NR3C1: variants seen among roughly 807,000 people sequenced by gnomAD.
NR3C1 encodes the protein nuclear receptor subfamily 3 group C member 1, also known as glucocorticoid receptor.
NR3C1 carries 14 observed loss-of-function variants against 74.0 expected under a neutral mutation model. The ratio of observed to expected loss-of-function variants is 0.19; its 90% CI spans 0.12 to 0.30. NR3C1 has a LOEUF of 0.30. NR3C1 is among the 10% of genes least tolerant of loss of function. The pLI is 1.00. For synonymous variants in NR3C1, 308 were observed against 332.5 expected, an observed-to-expected ratio of 0.93 and a Z score of 0.80; for missense variants, 695 against 909.8, an observed-to-expected ratio of 0.76 and a Z score of 3.04.
chr5:143,318,552 G>C (rs1476859277), intron 2 of NR3C1, among the ~76,000 whole-genome samples: 2 of 152,154 alleles, frequency 1.3e-5, no homozygotes, highest in Non-Finnish European at 2.9e-5. Flanking sequence ...CACAGTGGCA[G>C]ATACAAGTCT....
chr5:143,368,576 T>C (rs551296155), intron 2 of NR3C1, among the ~76,000 whole-genome samples: 12 of 144,640 alleles, frequency 8.3e-5, no homozygotes, highest in Non-Finnish European at 1.7e-4. Flanking sequence ...CACCGACAAC[T>C]CAACAATAAA....
intron 2 of NR3C1, among the ~76,000 whole-genome samples, chr5:143,392,706 G>A (rs1838480612): frequency 6.6e-6 from 1 of 151,986 alleles, no homozygotes; most frequent in African/African-American, 2.4e-5. Context: ...TTAGCATAGT[G>A]CTGTCACATA....
rs61753501 is a variant in NR3C1, at chr5:143,281,581, G to T, written c.*308C>A. 2 of 314,360 alleles carry T rather than the reference G, an allele frequency of 6.4e-6. No homozygotes were observed. The highest frequency in any genetic ancestry group is 4.8e-5 in the Admixed American group (1 of 20,898). 19.5% of individuals were successfully genotyped at this position (314,360 alleles called of 1,614,324 possible). On this transcript the variant is annotated 3_prime_UTR_variant, in exon 9 of 9. Coordinates refer to ENST00000394464, the MANE Select transcript of NR3C1 (RefSeq NM_000176.3). The stretch of plus-strand genomic sequence containing the variant: ...ATCACACAGACTTTGGGCACTGGTG[G>T]TTTAGGTGCCATCCTTCTTTGACTG...
At chr5:143,386,478 T>C (rs1837249399) in intron 2 of NR3C1, among the ~76,000 whole-genome samples, 1 of 152,020 alleles carries the variant, frequency 6.6e-6, no homozygotes, top group Non-Finnish European at 1.5e-5. Flanking sequence ...ACTTGTTAGG[T>C]GAGAAAAGCA....
At chr5:143,384,450 A>T (rs1482704180) in intron 2 of NR3C1, among the ~76,000 whole-genome samples, 1 of 152,234 alleles carries the variant, frequency 6.6e-6, no homozygotes, top group Non-Finnish European at 1.5e-5. Flanking sequence ...GGTCAAGGCA[A>T]GTCCACTCTG....
chr5:143,316,546 C>T (rs901936929), intron 2 of NR3C1, among the ~76,000 whole-genome samples: 3 of 152,078 alleles, frequency 2.0e-5, no homozygotes, highest in African/African-American at 7.2e-5. Context: ...TCATACGGGC[C>T]GTGGCAGGTG....
chr5:143,290,564 C>T (rs1170642117), intron 7 of NR3C1, among the ~76,000 whole-genome samples: 5 of 151,984 alleles, frequency 3.3e-5, no homozygotes, highest in Non-Finnish European at 7.4e-5. Context: ...GCATTCAGTC[C>T]ATCTCTACAT....
intron 2 of NR3C1, among the ~76,000 whole-genome samples, chr5:143,384,880 G>A (rs931403187): frequency 6.6e-6 from 1 of 152,202 alleles, no homozygotes; most frequent in African/African-American, 2.4e-5. Context: ...GCCCCAGTGG[G>A]GTCTCTGTGT....
At chr5:143,314,318 T>G in intron 2 of NR3C1, 150 bp from the exon 3 acceptor site, 1 of 768,388 alleles carries the variant, frequency 1.3e-6, no homozygotes, top group Non-Finnish European at 2.2e-6. Flanking sequence ...GCTAAATATA[T>G]TCAAATCATG....
At chr5:143,286,438 G>C (rs1814500481) in intron 7 of NR3C1, among the ~76,000 whole-genome samples, 1 of 152,004 alleles carries the variant, frequency 6.6e-6, no homozygotes, top group Non-Finnish European at 1.5e-5. Context: ...GGAATGAAAG[G>C]CTAGTCAATT....
At chr5:143,333,835 GA>G (rs1220339281) in intron 2 of NR3C1, among the ~76,000 whole-genome samples, 2 of 152,152 alleles carry the variant, frequency 1.3e-5, no homozygotes, top group Non-Finnish European at 2.9e-5. Flanking sequence ...TGGAAATGGG[GA>G]AAGAATAATA....
chr5:143,370,881 C>T lies in NR3C1; in HGVS notation c.1184+28775G>A, dbSNP rs145843317. Reference sequence around the variant, plus strand: ...GGAACCTATAAGTGGTTGGAAGCTTCGCATCTGAGAGTGATGGCAATCTGA... The same window carrying T: ...GGAACCTATAAGTGGTTGGAAGCTTTGCATCTGAGAGTGATGGCAATCTGA... On this transcript the variant is annotated intron_variant, in intron 2 of 8. Coordinates refer to ENST00000394464, the MANE Select transcript of NR3C1 (RefSeq NM_000176.3). 4.2e-3 allele frequency among the ~76,000 whole-genome samples: 640 copies of T among 152,262 alleles called. 2 individuals carry two copies. Among genetic ancestry groups the T allele is most frequent in the African/African-American group, 0.015 (614 of 41,544 alleles).
intron 1 of NR3C1, among the ~76,000 whole-genome samples, chr5:143,431,859 G>A (rs1046549803): frequency 6.6e-6 from 1 of 152,190 alleles, no homozygotes; most frequent in African/African-American, 2.4e-5. Context: ...GGTTTAATCA[G>A]CTTTGCAGTG....
chr5:143,372,691 T>C (rs1834433128), intron 2 of NR3C1, among the ~76,000 whole-genome samples: 1 of 152,150 alleles, frequency 6.6e-6, no homozygotes, highest in South Asian at 2.1e-4. Flanking sequence ...TTAAACCTTG[T>C]TGCAACTTTT....
In NR3C1 at chr5:143,372,990, A is replaced by G. The variant is rs142424142; in HGVS notation, c.1184+26666T>C. 2.0e-5 allele frequency among the ~76,000 whole-genome samples: 3 copies of G among 152,210 alleles called. No homozygotes were observed. The East Asian group carries it at 5.8e-4, about 29-fold the overall frequency. On this transcript the variant is annotated intron_variant, in intron 2 of 8. Transcript: ENST00000394464. ...AGCAAAAAATAAAAACAAAAACAAAAAACTGCCTTGACTTCTAAATATTTT... is the reference window on the plus strand; with the variant it reads ...AGCAAAAAATAAAAACAAAAACAAAGAACTGCCTTGACTTCTAAATATTTT...
upstream of NR3C1, chr5:143,403,811 G>T: frequency 1.0e-6 from 1 of 974,880 alleles, no homozygotes. Flanking sequence ...GCAACTGCAG[G>T]GGCGCCCGCG....
At chr5:143,371,535 G>A (rs1412185226) in intron 2 of NR3C1, among the ~76,000 whole-genome samples, 2 of 152,202 alleles carry the variant, frequency 1.3e-5, no homozygotes, top group Non-Finnish European at 2.9e-5. Flanking sequence ...GTCCACAGTA[G>A]AAACTGCAGC....
At chr5:143,301,493 A>C (rs897677340) in intron 4 of NR3C1, among the ~76,000 whole-genome samples, 2 of 151,822 alleles carry the variant, frequency 1.3e-5, no homozygotes, top group Admixed American at 6.6e-5. Flanking sequence ...TTACTCTATA[A>C]ACCTAAAGCA....
chr5:143,394,905 T>C (rs1342898519), intron 2 of NR3C1, among the ~76,000 whole-genome samples: 4 of 151,894 alleles, frequency 2.6e-5, no homozygotes, highest in East Asian at 1.9e-4. Flanking sequence ...CACATCTCTG[T>C]TGCTCCTCCC....
Sources: gnomAD v4.1 joint callset for allele counts (sites outside exome capture counted in the v4.1 genomes callset) on GRCh38, gnomAD v4.1.1 for gene constraint, MANE v1.5 for transcripts, NCBI Gene and HGNC (gene_info 2026-07-23, HGNC 2026-07-21) for gene names.